The following SIPA1L1 variants were observed in gnomAD, a reference collection of about 807,000 sequenced individuals.
The protein encoded by SIPA1L1 is signal-induced proliferation-associated 1-like protein 1.
Under a neutral mutation model 162.7 loss-of-function variants are expected in SIPA1L1, and 26 were observed. The observed-to-expected ratio is 0.16, with a 90% CI of 0.12 to 0.22. The LOEUF is 0.22. Ranked by LOEUF, SIPA1L1 falls within the 10% of genes least tolerant of loss-of-function variation. The pLI, the probability that SIPA1L1 is intolerant of heterozygous loss-of-function variation, is 1.00. For missense variants in SIPA1L1, 1,874 were observed against 2,241.0 expected, an observed-to-expected ratio of 0.84 and a Z score of 3.31; for synonymous variants, 829 against 837.4, an observed-to-expected ratio of 0.99 and a Z score of 0.17.
intron 10 of SIPA1L1, among the ~76,000 whole-genome samples, chr14:71,666,531 T>A (rs2044018341): frequency 6.6e-6 from 1 of 152,218 alleles, no homozygotes; most frequent in Non-Finnish European, 1.5e-5. Flanking sequence ...TTATTCATTT[T>A]AAAACTAAAA....
intron 2 of SIPA1L1, among the ~76,000 whole-genome samples, chr14:71,482,912 A>C (rs2048460365): frequency 6.6e-6 from 1 of 152,204 alleles, no homozygotes; most frequent in South Asian, 2.1e-4. Flanking sequence ...ATGTTTATAC[A>C]CATTTTTGTG....
intron 2 of SIPA1L1, among the ~76,000 whole-genome samples, chr14:71,428,006 AT>A (rs1246613471): frequency 6.7e-6 from 1 of 149,406 alleles, no homozygotes; most frequent in Non-Finnish European, 1.5e-5. Flanking sequence ...TTTTATTTTT[AT>A]TTTTTTTGAG....
intron 2 of SIPA1L1, among the ~76,000 whole-genome samples, chr14:71,410,126 A>G (rs2042301887): frequency 6.6e-6 from 1 of 152,222 alleles, no homozygotes; most frequent in South Asian, 2.1e-4. Flanking sequence ...GTTTACAAAA[A>G]TATGGCAGCT....
At chr14:71,448,455 T>A (rs1018948882) in intron 2 of SIPA1L1, among the ~76,000 whole-genome samples, 2 of 152,198 alleles carry the variant, frequency 1.3e-5, no homozygotes, top group Non-Finnish European at 2.9e-5. Context: ...GGGCTAGTTG[T>A]GTTCCCAGGC....
intron 5 of SIPA1L1, among the ~76,000 whole-genome samples, chr14:71,590,731 A>G (rs1046289628): frequency 6.6e-6 from 1 of 152,176 alleles, no homozygotes; most frequent in East Asian, 1.9e-4. Flanking sequence ...TATTTTAGAA[A>G]TTACATCTCT....
chr14:71,605,939 G>A (rs553434569), intron 5 of SIPA1L1, among the ~76,000 whole-genome samples: 2 of 152,254 alleles, frequency 1.3e-5, no homozygotes, highest in African/African-American at 4.8e-5. Flanking sequence ...CATGATAGGG[G>A]TGATAGCAGT....
intron 2 of SIPA1L1, among the ~76,000 whole-genome samples, chr14:71,503,062 C>T (rs2050383753): frequency 6.6e-6 from 1 of 151,976 alleles, no homozygotes; most frequent in African/African-American, 2.4e-5. Context: ...TCATCATGTC[C>T]CTGACCTCTA....
intron 4 of SIPA1L1, among the ~76,000 whole-genome samples, chr14:71,587,308 C>T (rs1012016083): frequency 1.3e-5 from 2 of 151,866 alleles, no homozygotes; most frequent in African/African-American, 4.8e-5. Context: ...GTACCCCTCC[C>T]CCTGCCCCCC....
intron 10 of SIPA1L1, among the ~76,000 whole-genome samples, chr14:71,668,141 A>G (rs1007347443): frequency 6.6e-6 from 1 of 152,156 alleles, no homozygotes; most frequent in Admixed American, 6.5e-5. Flanking sequence ...TTGTTATTTC[A>G]TTCAAGCTCT....
chr14:71,706,123 C>G (rs1398657887), intron 16 of SIPA1L1, among the ~76,000 whole-genome samples: 1 of 151,836 alleles, frequency 6.6e-6, no homozygotes, highest in African/African-American at 2.4e-5. Context: ...GTAAGTTTTG[C>G]TATAGAAAAA....
intron 2 of SIPA1L1, among the ~76,000 whole-genome samples, chr14:71,476,462 G>C (rs1399946734): frequency 2.0e-5 from 3 of 152,062 alleles, no homozygotes; most frequent in African/African-American, 7.2e-5. Flanking sequence ...TATTTTATAA[G>C]TACACTGGTT....
chr14:71,528,765 A>G (rs1173197771), intron 3 of SIPA1L1: 1 of 152,194 alleles, frequency 6.6e-6, no homozygotes, highest in Non-Finnish European at 1.5e-5. Flanking sequence ...TTGGTTTGTT[A>G]TGGTCAGCTC....
At chr14:71,701,489 T>C (rs2082099289) in intron 14 of SIPA1L1, among the ~76,000 whole-genome samples, 1 of 152,168 alleles carries the variant, frequency 6.6e-6, no homozygotes, top group Non-Finnish European at 1.5e-5. Flanking sequence ...ATGCTGGGAT[T>C]ACAGGCGTGA....
At chr14:71,502,017 G>A (rs112218845) in intron 2 of SIPA1L1, among the ~76,000 whole-genome samples, 2 of 138,530 alleles carry the variant, frequency 1.4e-5, no homozygotes, top group East Asian at 4.1e-4. Flanking sequence ...TACCCTGGGC[G>A]ACATAGTAAG....
chr14:71,689,315 T>C (rs978232256), intron 13 of SIPA1L1, among the ~76,000 whole-genome samples: 1 of 152,226 alleles, frequency 6.6e-6, no homozygotes, highest in Non-Finnish European at 1.5e-5. Flanking sequence ...GGTTTAAATA[T>C]ATGAGTTTTA....
intron 3 of SIPA1L1, among the ~76,000 whole-genome samples, chr14:71,521,044 G>T (rs1188532501): frequency 6.6e-6 from 1 of 152,180 alleles, no homozygotes; most frequent in African/African-American, 2.4e-5. Context: ...GTGAGCCAGT[G>T]TGCCCAGCCT....
intron 2 of SIPA1L1, among the ~76,000 whole-genome samples, chr14:71,394,246 G>C (rs2041006512): frequency 6.6e-6 from 1 of 152,134 alleles, no homozygotes; most frequent in African/African-American, 2.4e-5. Flanking sequence ...AATCAAAATA[G>C]GGTGTGCCTC....
chr14:71,432,537 T>C (rs889411509), intron 2 of SIPA1L1, among the ~76,000 whole-genome samples: 2 of 152,058 alleles, frequency 1.3e-5, no homozygotes, highest in African/African-American at 4.8e-5. Context: ...GGGAAAGTTA[T>C]AGTAATGTAT....
At chr14:71,725,585 G>A (rs1243814809) in intron 19 of SIPA1L1, among the ~76,000 whole-genome samples, 2 of 152,166 alleles carry the variant, frequency 1.3e-5, no homozygotes, top group Non-Finnish European at 2.9e-5. Context: ...AAAGGTTTGT[G>A]TACTCGTCTC....
Sources: gnomAD v4.1 joint callset for allele counts (sites outside exome capture counted in the v4.1 genomes callset) on GRCh38, gnomAD v4.1.1 for gene constraint, MANE v1.5 for transcripts, NCBI Gene and HGNC (gene_info 2026-07-23, HGNC 2026-07-21) for gene names.